Variants in SAMTOR observed in about 807,000 individuals in gnomAD.
The protein encoded by SAMTOR is S-adenosylmethionine sensor upstream of mTORC1.
At chr7:112,902,443 AAAAAAC>A in the SAMTOR span, among the ~76,000 whole-genome samples, 142 of 134,600 alleles carry the variant, frequency 1.1e-3, 13 homozygotes, top group East Asian at 1.4e-3. Context: ...AAAAAACAAA[AAAAAAC>A]AAAAAAAAAA....
the SAMTOR span, among the ~76,000 whole-genome samples, chr7:112,923,477 AAAAT>A: frequency 1.6e-4 from 24 of 152,236 alleles, no homozygotes; most frequent in East Asian, 3.9e-4. Context: ...TGATCAATAA[AAAAT>A]AAATAAATAA....
At chr7:112,865,820 A>T in the SAMTOR span, among the ~76,000 whole-genome samples, 1 of 146,458 alleles carries the variant, frequency 6.8e-6, no homozygotes, top group African/African-American at 2.5e-5. Flanking sequence ...TTATTCATAT[A>T]TATATATTTA....
the SAMTOR span, chr7:112,819,955 T>C: frequency 3.3e-5 from 5 of 152,502 alleles, no homozygotes; most frequent in African/African-American, 2.4e-5. Context: ...AGTGCTTTTT[T>C]TTCCTTCCCC....
the SAMTOR span, among the ~76,000 whole-genome samples, chr7:112,875,474 A>T: frequency 3.3e-5 from 5 of 152,246 alleles, no homozygotes; most frequent in South Asian, 1.0e-3. Context: ...AATACTGTGT[A>T]TTAGCATTAA....
chr7:112,935,410 CA>C, the SAMTOR span: 1 of 287,336 alleles, frequency 3.5e-6, no homozygotes, highest in South Asian at 3.2e-5. Context: ...TATTTTAATA[CA>C]AAAGTTTTTC....
At chr7:112,841,310 A>G in the SAMTOR span, among the ~76,000 whole-genome samples, 1 of 152,178 alleles carries the variant, frequency 6.6e-6, no homozygotes, top group Non-Finnish European at 1.5e-5. Flanking sequence ...AAGCCAAATC[A>G]TGAGTGAACT....
the SAMTOR span, among the ~76,000 whole-genome samples, chr7:112,855,251 A>G: frequency 3.9e-5 from 6 of 152,220 alleles, no homozygotes; most frequent in African/African-American, 1.4e-4. Flanking sequence ...TTAATATACA[A>G]TGGAAATATA....
the SAMTOR span, among the ~76,000 whole-genome samples, chr7:112,853,449 T>C: frequency 6.6e-5 from 10 of 152,234 alleles, no homozygotes; most frequent in East Asian, 1.5e-3. Context: ...CTGCTGGTTA[T>C]GTATTTTAAT....
the SAMTOR span, among the ~76,000 whole-genome samples, chr7:112,921,775 C>G: frequency 4.0e-4 from 3 of 7,514 alleles, no homozygotes; most frequent in Admixed American, 1.4e-3. Flanking sequence ...ACCCCATCAA[C>G]AAGGACATTA....
chr7:112,922,514 C>T, the SAMTOR span, among the ~76,000 whole-genome samples: 10 of 151,488 alleles, frequency 6.6e-5, no homozygotes, highest in South Asian at 2.1e-4. Context: ...AAGTGAGGAG[C>T]GCCTCTTCCC....
the SAMTOR span, among the ~76,000 whole-genome samples, chr7:112,920,856 A>C: frequency 3.2e-4 from 48 of 152,274 alleles, no homozygotes; most frequent in African/African-American, 1.1e-3. Flanking sequence ...ATTGCTTCAA[A>C]GAGAATAAAA....
chr7:112,922,691 T>C, the SAMTOR span, among the ~76,000 whole-genome samples: 141 of 140,126 alleles, frequency 1.0e-3, no homozygotes, highest in African/African-American at 3.7e-3. Context: ...GGCCGCCCCG[T>C]CTGAGAAGTG....
At chr7:112,840,508 T>G in the SAMTOR span, among the ~76,000 whole-genome samples, 1 of 151,926 alleles carries the variant, frequency 6.6e-6, no homozygotes, top group Non-Finnish European at 1.5e-5. Flanking sequence ...CCAATAAAGA[T>G]GAAAGTTATA....
chr7:112,939,138 GA>G, the SAMTOR span: 1 of 167,030 alleles, frequency 6.0e-6, no homozygotes, highest in South Asian at 1.2e-4. Flanking sequence ...GTCTGATAAG[GA>G]AGCAAATGGT....
the SAMTOR span, among the ~76,000 whole-genome samples, chr7:112,825,125 A>T: frequency 1.4e-4 from 21 of 152,080 alleles, no homozygotes; most frequent in Non-Finnish European, 2.6e-4. Flanking sequence ...GGGCTCAAGC[A>T]ATCTTCCCAC....
the SAMTOR span, among the ~76,000 whole-genome samples, chr7:112,919,278 C>T: frequency 6.6e-6 from 1 of 152,148 alleles, no homozygotes; most frequent in Admixed American, 6.5e-5. Context: ...CAAACTAGAA[C>T]TCAGGATTAA....
At chr7:112,842,263 TTGGGATATTCTA>T in the SAMTOR span, among the ~76,000 whole-genome samples, 241 of 152,090 alleles carry the variant, frequency 1.6e-3, 1 homozygote, top group South Asian at 2.9e-3. Flanking sequence ...GAATTTGTGC[TTGGGATATTCTA>T]TGGTTTCAAC....
chr7:112,927,723 A>G, the SAMTOR span, among the ~76,000 whole-genome samples: 2 of 152,076 alleles, frequency 1.3e-5, no homozygotes, highest in African/African-American at 4.8e-5. Context: ...TAGAAAGCAC[A>G]ATTCAAAAAT....
chr7:112,835,727 C>A, the SAMTOR span, among the ~76,000 whole-genome samples: 1 of 152,094 alleles, frequency 6.6e-6, no homozygotes, highest in South Asian at 2.1e-4. Flanking sequence ...CAAGTGAGAA[C>A]ATGAAGTATG....
Sources: allele counts gnomAD v4.1 joint callset (sites outside exome capture counted in the v4.1 genomes callset), GRCh38; gene constraint gnomAD v4.1.1; transcripts MANE v1.5; gene names NCBI Gene and HGNC (gene_info 2026-07-23, HGNC 2026-07-21).